The following RNF17 variants were observed in gnomAD, a reference collection of about 807,000 sequenced individuals.
RNF17 encodes ring finger protein 17.
RNF17 carries 31 observed loss-of-function variants against 200.5 expected under a neutral mutation model. The observed-to-expected ratio is 0.15, with a 90% CI of 0.12 to 0.21. The LOEUF is 0.21. Ranked by LOEUF, RNF17 falls within the 10% of genes least tolerant of loss-of-function variation. The probability of loss-of-function intolerance (pLI) is 1.00; values close to 1 mark genes in which losing one functional copy is unlikely to be tolerated. For missense variants in RNF17, 1,628 were observed against 1,905.1 expected (o/e 0.85, Z 2.71); for synonymous variants, 606 against 637.8 (o/e 0.95, Z 0.75).
At chr13:24,827,727 A>AAAAC (rs1888888730) in intron 16 of RNF17, among the ~76,000 whole-genome samples, 1 of 148,042 alleles carries the variant, frequency 6.8e-6, no homozygotes, top group Non-Finnish European at 1.5e-5. Flanking sequence ...ACAAAAAAAA[A>AAAAC]AAAACAATAG....
chr13:24,823,411 T>G (rs1888289772), intron 15 of RNF17, among the ~76,000 whole-genome samples: 1 of 152,234 alleles, frequency 6.6e-6, no homozygotes, highest in African/African-American at 2.4e-5. Context: ...TCATTTGTTT[T>G]GGTACTTTTC....
intron 5 of RNF17, among the ~76,000 whole-genome samples, chr13:24,781,183 A>G (rs1882313159): frequency 6.6e-6 from 1 of 152,126 alleles, no homozygotes; most frequent in South Asian, 2.1e-4. Context: ...TAATTCAAGT[A>G]TGGTTTCTAC....
At chr13:24,886,332 G>A in the RNF17 span, 14 of 1,289,142 alleles carry the variant, frequency 1.1e-5, no homozygotes, top group African/African-American at 1.2e-4. Flanking sequence ...GAGGAGAGCG[G>A]AGGCAGGTGG....
intron 1 of RNF17, among the ~76,000 whole-genome samples, chr13:24,766,947 A>ATTTATATT (rs1478518468): frequency 6.6e-6 from 1 of 152,250 alleles, no homozygotes; most frequent in Non-Finnish European, 1.5e-5. Context: ...CAATAAGTCA[A>ATTTATATT]CCATTTCAAA....
At chr13:24,759,738 G>A (rs1878532422), upstream of RNF17, among the ~76,000 whole-genome samples, 4 of 152,232 alleles carry the variant, frequency 2.6e-5, no homozygotes, top group South Asian at 8.3e-4. Flanking sequence ...GAATGAGAGA[G>A]GGAGAGATAA....
At chr13:24,792,922 T>G (rs1327565158) in intron 9 of RNF17, 120 bp from the exon 10 acceptor site, 11 of 672,394 alleles carry the variant, frequency 1.6e-5, no homozygotes, top group Non-Finnish European at 2.4e-5. Flanking sequence ...TCAGTGGCTA[T>G]TGAATAATCA....
At chr13:24,787,840 A>C in intron 6 of RNF17, 148 bp from the exon 7 acceptor site, 1 of 499,282 alleles carries the variant, frequency 2.0e-6, no homozygotes, top group South Asian at 4.3e-5. Context: ...GTACCCTTTC[A>C]GATACAGTTC....
downstream of RNF17, chr13:24,884,590 T>G (rs142286957): frequency 7.6e-6 from 7 of 923,732 alleles, no homozygotes; most frequent in African/African-American, 9.9e-5. Flanking sequence ...AAAAGATCCT[T>G]TATTTCGTGA....
At chr13:24,864,049 TAGATA>T (rs1240358359) in intron 28 of RNF17, among the ~76,000 whole-genome samples, 1 of 152,080 alleles carries the variant, frequency 6.6e-6, no homozygotes, top group Non-Finnish European at 1.5e-5. Flanking sequence ...AGTATTAGAT[TAGATA>T]AGAGAGAGGC....
At chr13:24,787,359 T>C (rs1460808471) in intron 6 of RNF17, among the ~76,000 whole-genome samples, 1 of 152,212 alleles carries the variant, frequency 6.6e-6, no homozygotes, top group African/African-American at 2.4e-5. Flanking sequence ...GTTTTCTTCC[T>C]TTGAATGGGT....
chr13:24,826,680 C>T (rs1047106767), intron 16 of RNF17, among the ~76,000 whole-genome samples: 8 of 148,938 alleles, frequency 5.4e-5, no homozygotes, highest in Admixed American at 1.3e-4. Context: ...GGCTGAGGCA[C>T]GAGAATCACT....
chr13:24,827,217 G>A (rs1293417176), intron 16 of RNF17, among the ~76,000 whole-genome samples: 1 of 152,118 alleles, frequency 6.6e-6, no homozygotes, highest in African/African-American at 2.4e-5. Context: ...ACAGGCATGA[G>A]CCACTGTGCC....
intron 15 of RNF17, among the ~76,000 whole-genome samples, chr13:24,819,649 C>T (rs1439992501): frequency 6.6e-6 from 1 of 152,200 alleles, no homozygotes; most frequent in Non-Finnish European, 1.5e-5. Flanking sequence ...CTCTGCAGCT[C>T]TCTTTTTCCA....
At chr13:24,760,003 G>A (rs1275300311), upstream of RNF17, among the ~76,000 whole-genome samples, 5 of 152,128 alleles carry the variant, frequency 3.3e-5, no homozygotes, top group Middle Eastern at 3.4e-3. Flanking sequence ...TTAGCCAGGC[G>A]TGGGGAGCGC....
At chr13:24,862,262 G>T (rs1272259529) in intron 27 of RNF17, among the ~76,000 whole-genome samples, 1 of 152,152 alleles carries the variant, frequency 6.6e-6, no homozygotes, top group Non-Finnish European at 1.5e-5. Flanking sequence ...GGGGACAGAG[G>T]GTCCACTTCA....
intron 33 of RNF17, among the ~76,000 whole-genome samples, chr13:24,876,514 G>C (rs1386237494): frequency 1.3e-5 from 2 of 152,214 alleles, no homozygotes; most frequent in East Asian, 1.9e-4. Context: ...GTTTCCCATA[G>C]TGGCTGCGCC....
rs778166376 is a variant in RNF17 at position 24,831,864 on chromosome 13, A to G, written c.2368A>G (p.Lys790Glu). The change falls in exon 18 of 36, where the codon AAA becomes GAA. Residue 790 changes from lysine to glutamate, a missense_variant. Coordinates refer to ENST00000255324, the MANE Select transcript of RNF17 (RefSeq NM_031277.3). ...GGAATTTTGTCTGACACAGGCAATT[A>G]AATGTAAGTTGGCCTATATTGAACC... ...EFLNAPEKAIKCKLAYIEPYK... is the reference protein window; with the variant it reads ...EFLNAPEKAIECKLAYIEPYK... 8.2e-6 allele frequency: 13 copies of G among 1,593,880 alleles called. No homozygotes were observed. Among genetic ancestry groups the G allele is most frequent in the Non-Finnish European group, 9.4e-6 (11 of 1,175,244 alleles).
At chr13:24,843,115 G>A (rs1890836975) in intron 19 of RNF17, among the ~76,000 whole-genome samples, 1 of 152,208 alleles carries the variant, frequency 6.6e-6, no homozygotes, top group Non-Finnish European at 1.5e-5. Flanking sequence ...TTAATGATCT[G>A]TGGACATGCT....
At chr13:24,841,882 C>G (rs1216497357) in intron 18 of RNF17, among the ~76,000 whole-genome samples, 159 bp from the exon 19 acceptor site, 1 of 152,060 alleles carries the variant, frequency 6.6e-6, no homozygotes, top group Non-Finnish European at 1.5e-5. Flanking sequence ...AGGAGAATCA[C>G]TTGAACCCAG....
Sources: allele counts gnomAD v4.1 joint callset (sites outside exome capture counted in the v4.1 genomes callset), GRCh38; gene constraint gnomAD v4.1.1; transcripts MANE v1.5; gene names NCBI Gene and HGNC (gene_info 2026-07-23, HGNC 2026-07-21).